The following GLG1 variants were observed in gnomAD, a reference collection of about 807,000 sequenced individuals.
GLG1 encodes Golgi apparatus protein 1.
A neutral mutation model predicts 160.5 loss-of-function variants in GLG1; 38 were observed. The observed-to-expected ratio is 0.24, with a 90% CI of 0.18 to 0.31. The LOEUF is 0.31. GLG1 is among the 10% of genes least tolerant of loss of function. GLG1 has a pLI of 1.00. For missense variants in GLG1, 1,373 were observed against 1,505.2 expected (o/e 0.91, Z 1.45); for synonymous variants, 644 against 543.4 (o/e 1.19, Z -2.57).
intron 1 of GLG1, among the ~76,000 whole-genome samples, chr16:74,574,394 T>G (rs1053666692): frequency 2.0e-5 from 3 of 152,158 alleles, no homozygotes; most frequent in Admixed American, 2.0e-4. Context: ...CAGTAACAGA[T>G]AGGGATACTG....
At chr16:74,474,331 G>A in intron 13 of GLG1, 1 of 531,980 alleles carries the variant, frequency 1.9e-6, no homozygotes, top group Non-Finnish European at 3.4e-6. Context: ...AAACCAAAGG[G>A]CTGTATAGAG....
chr16:74,601,326 AC>A (rs1958434116), intron 1 of GLG1, among the ~76,000 whole-genome samples: 1 of 151,970 alleles, frequency 6.6e-6, no homozygotes, highest in Non-Finnish European at 1.5e-5. Context: ...TCCGCCTGTA[AC>A]CTCAGCATCC....
At chr16:74,592,812 G>A (rs566136915) in intron 1 of GLG1, among the ~76,000 whole-genome samples, 1 of 152,118 alleles carries the variant, frequency 6.6e-6, no homozygotes, top group East Asian at 1.9e-4. Flanking sequence ...TAATAGGTGT[G>A]TCCTCAGCAA....
Position 74,452,196 on chromosome 16 carries a change from C to T in GLG1, c.*971G>A, listed in dbSNP as rs898738555. 53 of 1,564,608 alleles carry T rather than the reference C, an allele frequency of 3.4e-5. No homozygotes were observed. Among genetic ancestry groups the T allele is most frequent in the Non-Finnish European group, 4.3e-5 (50 of 1,154,944 alleles). On this transcript the variant is annotated 3_prime_UTR_variant, in exon 26 of 26. Transcript: ENST00000422840. ...ACTTCCTGACCCACTGCTCCCCACA[C>T]CCATCTTCAAGGACCCCTCCCGCCA...
At chr16:74,583,524 C>T (rs549619870) in intron 1 of GLG1, among the ~76,000 whole-genome samples, 42 of 152,134 alleles carry the variant, frequency 2.8e-4, no homozygotes, top group African/African-American at 9.9e-4. Flanking sequence ...GGATTACAGG[C>T]GCACGCCACC....
In GLG1 at chr16:74,462,591, G is replaced by A; in HGVS notation, c.2831C>T (p.Ala944Val). 6.2e-7 allele frequency: 1 copy of A among 1,613,876 alleles called. No homozygotes were observed. Residue 944 changes from alanine to valine, a missense_variant, in exon 21 of 26, where the codon GCT becomes GTT. Coordinates refer to ENST00000422840, the MANE Select transcript of GLG1 (RefSeq NM_001145667.2). ...LNPMLRKACK[A>V]DIPKFCHGIL... The stretch of plus-strand genomic sequence containing the variant: ...ACCGTGACAGAATTTAGGAATGTCA[G>A]CTTTACAGGCTTTTCTTAACATGGG...
intron 1 of GLG1, among the ~76,000 whole-genome samples, chr16:74,572,467 C>T (rs968331686): frequency 6.7e-6 from 1 of 150,100 alleles, no homozygotes. Flanking sequence ...GAGCCGAGAT[C>T]GCACCACTGC....
rs2014842520 is a variant in GLG1, at chr16:74,462,532, C to G, written c.2890G>C (p.Glu964Gln). 6.2e-7 allele frequency: 1 copy of G among 1,614,018 alleles called. No homozygotes were observed. Among genetic ancestry groups the G allele is most frequent in the South Asian group, 1.1e-5 (1 of 91,076 alleles). ...TTCAGGCAAGAGATGACTTGTCCTTCTAATTCTGAATCATCCTTGGCCTTA... is the reference window on the plus strand; with the variant it reads ...TTCAGGCAAGAGATGACTTGTCCTTGTAATTCTGAATCATCCTTGGCCTTA... Reference protein sequence around the residue: ...LTKAKDDSELEGQVISCLKLR... With the variant: ...LTKAKDDSELQGQVISCLKLR... Residue 964 changes from glutamate to glutamine, a missense_variant, in exon 21 of 26, where the codon GAA becomes CAA. Physicochemically the swap from Glu to Gln is conservative, Grantham distance 29. Transcript: ENST00000422840.
chr16:74,560,326 CTTTTT>C (rs66983409), intron 1 of GLG1, among the ~76,000 whole-genome samples: 1 of 118,410 alleles, frequency 8.4e-6, no homozygotes, highest in African/African-American at 3.2e-5. Context: ...CAGTTTTTGT[CTTTTT>C]TTTTTTTTTT....
intron 1 of GLG1, among the ~76,000 whole-genome samples, chr16:74,561,649 T>C (rs1263207118): frequency 6.6e-6 from 1 of 152,228 alleles, no homozygotes; most frequent in Non-Finnish European, 1.5e-5. Flanking sequence ...TTGAATGAAC[T>C]CTATGTTCCA....
At chr16:74,565,899 G>A (rs1461954750) in intron 1 of GLG1, among the ~76,000 whole-genome samples, 2 of 152,106 alleles carry the variant, frequency 1.3e-5, no homozygotes, top group African/African-American at 2.4e-5. Flanking sequence ...CTAACGTTCC[G>A]TCTTTGTTAC....
Position 74,494,757 on chromosome 16 carries a change from T to G in GLG1, c.1050+3A>C, listed in dbSNP as rs1393979935. Reference sequence around the variant, plus strand: ...CATTCATTAGTTTCAAAATAATACTTACCTTTTCACTCATGGATTCTTCAA... The same window carrying G: ...CATTCATTAGTTTCAAAATAATACTGACCTTTTCACTCATGGATTCTTCAA... On this transcript the variant is annotated splice_donor_region_variant and intron_variant, in intron 6 of 25. Coordinates refer to ENST00000422840, the MANE Select transcript of GLG1 (RefSeq NM_001145667.2). The G allele has an allele frequency of 1.6e-6, 2 of 1,282,252 alleles. No individual in the cohort carries two copies. The allele number at this position is 1,282,252 out of a possible 1,614,324, so 79.4% of individuals were successfully genotyped here.
chr16:74,457,819 CTT>C, intron 24 of GLG1, 53 bp downstream of exon 24: 1 of 1,562,486 alleles, frequency 6.4e-7, no homozygotes, highest in Non-Finnish European at 8.8e-7. Flanking sequence ...AAGAGGGAGT[CTT>C]TGCTCTTCCC....
intron 8 of GLG1, among the ~76,000 whole-genome samples, chr16:74,489,782 CACAG>C (rs1384662162): frequency 4.6e-5 from 7 of 152,222 alleles, no homozygotes; most frequent in African/African-American, 1.7e-4. Flanking sequence ...CACACACACA[CACAG>C]ACACACGTGC....
At position 74,471,873 on chromosome 16, in the gene GLG1, G is replaced by T. The variant is rs182463856; in HGVS notation, c.2115+476C>A. On this transcript the variant is annotated intron_variant, in intron 14 of 25. Coordinates refer to ENST00000422840, the MANE Select transcript of GLG1 (RefSeq NM_001145667.2). The stretch of plus-strand genomic sequence containing the variant: ...ACCTACAAAAGCTAATCAAACACAG[G>T]TTCCAGGATGGTAGCATCTCTCTCT... Among the ~76,000 whole-genome samples the T allele has an allele frequency of 8.6e-5, 13 of 151,350 alleles. No homozygotes were observed. The South Asian group carries it at 2.5e-3, about 29-fold the overall frequency.
intron 1 of GLG1, among the ~76,000 whole-genome samples, chr16:74,557,508 T>C (rs1299056116): frequency 6.6e-6 from 1 of 152,108 alleles, no homozygotes; most frequent in Non-Finnish European, 1.5e-5. Flanking sequence ...TGAGAATGCT[T>C]TGCAGATACT....
At chr16:74,457,269 T>A (rs1233844027) in intron 24 of GLG1, among the ~76,000 whole-genome samples, 4 of 151,950 alleles carry the variant, frequency 2.6e-5, no homozygotes, top group African/African-American at 9.7e-5. Context: ...TGGTGGTGGG[T>A]GCCTGTAGTC....
At chr16:74,464,574 A>G (rs1005384490) in intron 19 of GLG1, among the ~76,000 whole-genome samples, 18 of 152,188 alleles carry the variant, frequency 1.2e-4, no homozygotes, top group Non-Finnish European at 1.6e-4. Flanking sequence ...CTAGTTCTCT[A>G]AAGAGTGTGA....
chr16:74,505,484 C>A (rs999022076), intron 3 of GLG1, among the ~76,000 whole-genome samples: 9 of 152,120 alleles, frequency 5.9e-5, no homozygotes, highest in African/African-American at 1.7e-4. Context: ...CTTTGGAAGA[C>A]CGAGGGGGGT....
Sources: gnomAD v4.1 joint callset for allele counts (sites outside exome capture counted in the v4.1 genomes callset) on GRCh38, gnomAD v4.1.1 for gene constraint, MANE v1.5 for transcripts, NCBI Gene and HGNC (gene_info 2026-07-23, HGNC 2026-07-21) for gene names.